Variants in ZRANB1 observed in about 807,000 individuals in gnomAD.
ZRANB1 encodes zinc finger RANBP2-type containing 1.
A neutral mutation model predicts 80.5 loss-of-function variants in ZRANB1; 16 were observed. The ratio of observed to expected loss-of-function variants is 0.20; its 90% CI spans 0.13 to 0.30. ZRANB1 has a LOEUF of 0.30. Among genes scored for constraint, ZRANB1 ranks in the 10% least tolerant of loss-of-function variants. The pLI, the probability that ZRANB1 is intolerant of heterozygous loss-of-function variation, is 1.00. For missense variants in ZRANB1, 576 were observed against 862.6 expected (o/e 0.67, Z 4.16); for synonymous variants, 291 against 293.1 (o/e 0.99, Z 0.07).
At chr10:124,971,707 A>C (rs1010373751) in intron 2 of ZRANB1, among the ~76,000 whole-genome samples, 1 of 152,148 alleles carries the variant, frequency 6.6e-6, no homozygotes, top group Admixed American at 6.5e-5. Context: ...ATACATTTTT[A>C]TGTGCATCTT....
chr10:124,983,570 A>G lies in ZRANB1; in HGVS notation c.1790A>G (p.Tyr597Cys), dbSNP rs969080043. 9.3e-6 allele frequency: 15 copies of G among 1,614,160 alleles called. No homozygotes were observed. The highest frequency in any genetic ancestry group is 1.3e-5 in the African/African-American group (1 of 75,052). The change falls in exon 8 of 9, where the codon TAT becomes TGT. Residue 597 changes from tyrosine to cysteine, a missense_variant. By Grantham distance (194) the Tyr-to-Cys change is radical. This residue lies in a region of ZRANB1 where 152 missense variants were observed against 221.9 expected (regional missense o/e 0.69). Transcript: ENST00000359653. This position sits in a 1 kb window ranked among gnomAD's most constrained non-coding sequence, Gnocchi z 6.2. ...TTGGTTGCCATGGAAAATGATGGCT[A>G]TGGCAACCGAGGTGCTGGTGCTAAT... ...SALVAMENDG[Y>C]GNRGAGANLN...
At chr10:124,963,855 G>A (rs1951756809) in intron 1 of ZRANB1, among the ~76,000 whole-genome samples, 1 of 152,072 alleles carries the variant, frequency 6.6e-6, no homozygotes. Context: ...AATTCTTAAT[G>A]AAAAGAATGA....
At position 124,971,221 on chromosome 10, in the gene ZRANB1, G is replaced by C. The variant is rs138345520; in HGVS notation, c.1003-744G>C. Among the ~76,000 whole-genome samples the C allele has an allele frequency of 2.6e-5, 4 of 152,328 alleles. No homozygotes were observed. The East Asian group carries it at 7.7e-4, about 29-fold the overall frequency. On this transcript the variant is annotated intron_variant, in intron 2 of 8. Transcript: ENST00000359653. ...TCCACAAACTAGATATGACTGAAAT[G>C]TGAGGTTAAATTAAATCTTTGCAAC...
At chr10:124,929,854 G>A in the ZRANB1 span, among the ~76,000 whole-genome samples, 263 of 150,310 alleles carry the variant, frequency 1.7e-3, no homozygotes, top group African/African-American at 6.0e-3. Context: ...GCTGAGGCAG[G>A]AGAATCACTT....
intron 2 of ZRANB1, among the ~76,000 whole-genome samples, chr10:124,971,070 C>T (rs988469024): frequency 1.3e-5 from 2 of 152,046 alleles, no homozygotes; most frequent in Admixed American, 6.6e-5. Context: ...GCAATCCACC[C>T]GCCTCGGCCT....
At chr10:124,925,572 A>C in the ZRANB1 span, among the ~76,000 whole-genome samples, 1 of 152,136 alleles carries the variant, frequency 6.6e-6, no homozygotes, top group Non-Finnish European at 1.5e-5. Flanking sequence ...GTGTTCTTTG[A>C]AGCACAAAAG....
Position 124,985,844 on chromosome 10 carries a change from C to T in ZRANB1, c.*852C>T, listed in dbSNP as rs910135692. The T allele has an allele frequency of 2.0e-5, 3 of 152,198 alleles. No individual in the cohort carries two copies. The highest frequency in any genetic ancestry group is 4.4e-5 in the Non-Finnish European group (3 of 68,030). 9.4% of individuals were successfully genotyped at this position (152,198 alleles called of 1,614,324 possible). On this transcript the variant is annotated 3_prime_UTR_variant, in exon 9 of 9. Coordinates refer to ENST00000359653, the MANE Select transcript of ZRANB1 (RefSeq NM_017580.3). ...GTGTGAAATGTGCTCACTTGGACTC[C>T]ATCAACAATGTGCTGCTCCCAGATT...
rs1188687483 is a variant in ZRANB1, at chr10:124,970,863, A to G, written c.1003-1102A>G. Among the ~76,000 whole-genome samples the G allele has an allele frequency of 8.8e-5, 10 of 113,558 alleles. No individual in the cohort carries two copies. In the South Asian group the frequency reaches 3.0e-3, roughly 34 times the overall value. 74.5% of individuals were successfully genotyped at this position (113,558 alleles called of 152,430 possible). Reference sequence around the variant, plus strand: ...TTTTTTTTTTTTTTTTTTTTGGCAGAGTCTCTCTCTGTCACCCTGGCTGGA... The same window carrying G: ...TTTTTTTTTTTTTTTTTTTTGGCAGGGTCTCTCTCTGTCACCCTGGCTGGA... On this transcript the variant is annotated intron_variant, in intron 2 of 8. Coordinates refer to ENST00000359653, the MANE Select transcript of ZRANB1 (RefSeq NM_017580.3).
In ZRANB1 at chr10:124,962,531, AT is replaced by A. The variant is rs1314510224; in HGVS notation, c.815-4062del. 6 of 379,020 alleles carry A rather than the reference AT, an allele frequency of 1.6e-5. No homozygotes were observed. The Admixed American group carries it at 3.9e-4, about 24-fold the overall frequency. The allele number at this position is 379,020 out of a possible 1,614,324, so 23.5% of individuals were successfully genotyped here. On this transcript the variant is annotated intron_variant, in intron 1 of 8. Transcript: ENST00000359653. ...AACTGTGCCATATATGGGGGAAAAA[AT>A]AAGTCTGTTTTCTAAATATCTATGA...
rs767994378 is a variant in ZRANB1, at chr10:124,942,969, C to T, written c.476C>T (p.Thr159Ile). ...RTQHWTCSVC[T>I]YENWAKAKRC... ...CAGCACTGGACTTGCTCTGTTTGCA[C>T]ATATGAAAACTGGGCCAAGGCTAAA... The change falls in exon 1 of 9, where the codon ACA (threonine) becomes ATA (isoleucine). Residue 159 changes from threonine to isoleucine, a missense_variant. Transcript: ENST00000359653. 1.2e-6 allele frequency: 2 copies of T among 1,614,194 alleles called. No homozygotes were observed. The highest frequency in any genetic ancestry group is 1.3e-5 in the African/African-American group (1 of 75,042).
At position 124,987,232 on chromosome 10, in the gene ZRANB1, T is replaced by G. The variant is rs1449952672; in HGVS notation, c.*2240T>G. ...TTTTTCAAAGATGATTATACGTGGC[T>G]AGGTGACAGACATTAATGACTGACT... On this transcript the variant is annotated 3_prime_UTR_variant, in exon 9 of 9. Transcript: ENST00000359653. The G allele has an allele frequency of 6.6e-6, 1 of 152,640 alleles. No homozygotes were observed. Among genetic ancestry groups the G allele is most frequent in the Non-Finnish European group, 1.5e-5 (1 of 68,044 alleles). The allele number at this position is 152,640 out of a possible 1,614,324, so 9.5% of individuals were successfully genotyped here. A position where few individuals can be genotyped will look rare whatever the true frequency, so the allele number is the denominator to read the frequency against.
At position 124,985,660 on chromosome 10, in the gene ZRANB1, TTAAG is replaced by T. The variant is rs1302211057; in HGVS notation, c.*670_*673del. 1 of 152,090 alleles carries T rather than the reference TTAAG, an allele frequency of 6.6e-6. No individual in the cohort carries two copies. The highest frequency in any genetic ancestry group is 6.6e-5 in the Admixed American group (1 of 15,224). 9.4% of individuals were successfully genotyped at this position (152,090 alleles called of 1,614,324 possible). ...GGTTTTGGTTTTGGTTATTGTGTCTTTAAGTTTTCTGATATGCCCCCTTTCAATA... is the reference window on the plus strand; with the variant it reads ...GGTTTTGGTTTTGGTTATTGTGTCTTTTTTCTGATATGCCCCCTTTCAATA... On this transcript the variant is annotated 3_prime_UTR_variant, in exon 9 of 9. Coordinates refer to ENST00000359653, the MANE Select transcript of ZRANB1 (RefSeq NM_017580.3).
chr10:124,984,902 G>A lies in ZRANB1; in HGVS notation c.2037G>A (p.Met679Ile). The part of the protein sequence containing the change: ...RRRNHPLVTQ[M>I]VEKWLDRYRQ... The stretch of plus-strand genomic sequence containing the variant: ...GAAATCACCCCCTGGTCACTCAGAT[G>A]GTAGAAAAATGGCTTGACCGCTACC... Residue 679 changes from methionine (M) to isoleucine (I), a missense_variant, in exon 9 of 9, where the codon ATG (methionine) becomes ATA (isoleucine). Coordinates refer to ENST00000359653, the MANE Select transcript of ZRANB1 (RefSeq NM_017580.3). The A allele has an allele frequency of 6.2e-7, 1 of 1,614,030 alleles. No homozygotes were observed. Among genetic ancestry groups the A allele is most frequent in the Non-Finnish European group, 8.5e-7 (1 of 1,180,014 alleles).
chr10:124,981,375 TACA>T (rs1424149548), intron 5 of ZRANB1: 1 of 198,860 alleles, frequency 5.0e-6, no homozygotes, highest in Non-Finnish European at 1.0e-5. Flanking sequence ...TGTCTTTGTA[TACA>T]ACATTTCAGA....
intron 1 of ZRANB1, among the ~76,000 whole-genome samples, chr10:124,963,893 A>G (rs1951757160): frequency 6.6e-6 from 1 of 152,194 alleles, no homozygotes; most frequent in African/African-American, 2.4e-5. Flanking sequence ...ACACTAGATA[A>G]TAAAATAATT....
chr10:124,972,759 C>G (rs1293253597), intron 3 of ZRANB1, among the ~76,000 whole-genome samples: 1 of 151,514 alleles, frequency 6.6e-6, no homozygotes, highest in Non-Finnish European at 1.5e-5. Context: ...ATTCTGAGAT[C>G]TGTTTGTTTT....
intron 1 of ZRANB1, among the ~76,000 whole-genome samples, chr10:124,952,367 T>C (rs67609008): frequency 0.19 from 28,858 of 152,100 alleles, 3,573 homozygotes; most frequent in South Asian, 0.31. Flanking sequence ...TTGAGAGAGT[T>C]GCAGGGCCCT....
At chr10:124,960,255 A>C (rs190344000) in intron 1 of ZRANB1, among the ~76,000 whole-genome samples, 4 of 152,124 alleles carry the variant, frequency 2.6e-5, no homozygotes, top group African/African-American at 9.7e-5. Flanking sequence ...TAGTGTTTCT[A>C]ATTGGAGACC....
At chr10:124,943,366 T>G in intron 1 of ZRANB1, 59 bp downstream of exon 1, 1 of 1,502,676 alleles carries the variant, frequency 6.7e-7, no homozygotes, top group Non-Finnish European at 9.0e-7. Flanking sequence ...AAAAATGATA[T>G]GAAAAGAGCT....
Sources: gnomAD v4.1 joint callset for allele counts (sites outside exome capture counted in the v4.1 genomes callset) on GRCh38, gnomAD v4.1.1 for gene constraint, gnomAD v4.1.1 regional missense constraint, Gnocchi (gnomAD v3.1) non-coding constraint, MANE v1.5 for transcripts, NCBI Gene and HGNC (gene_info 2026-07-23, HGNC 2026-07-21) for gene names.